Variants in MAPK3 observed in about 807,000 individuals in gnomAD.
MAPK3 encodes the protein mitogen-activated protein kinase 3, also known as MAPK 1.
A neutral mutation model predicts 41.8 loss-of-function variants in MAPK3; 30 were observed. The observed-to-expected ratio is 0.72, with a 90% CI of 0.54 to 0.97. MAPK3 has a LOEUF of 0.97. Ranked by LOEUF, MAPK3 falls within the 50% of genes least tolerant of loss-of-function variation. The probability of loss-of-function intolerance (pLI) is 0.00; values close to 1 mark genes in which losing one functional copy is unlikely to be tolerated. For synonymous variants in MAPK3, 222 were observed against 213.4 expected (o/e 1.04, Z -0.35); for missense variants, 413 against 509.9 (o/e 0.81, Z 1.83).
chr16:30,118,628 C>T (rs373475532), intron 2 of MAPK3, 90 bp from the exon 3 acceptor site: 54 of 1,052,102 alleles, frequency 5.1e-5, no homozygotes, highest in South Asian at 2.4e-4. Context: ...GGCTGCACAC[C>T]TCCTCCAGCC....
intron 1 of MAPK3, 131 bp from the exon 2 acceptor site, chr16:30,122,137 G>T: frequency 1.2e-6 from 1 of 841,658 alleles, no homozygotes; most frequent in Non-Finnish European, 1.9e-6. Context: ...AAACAATGCT[G>T]GTTCCTTCCT....
At chr16:30,121,643 C>T (rs2073016079) in intron 2 of MAPK3, among the ~76,000 whole-genome samples, 181 bp downstream of exon 2, 1 of 152,208 alleles carries the variant, frequency 6.6e-6, no homozygotes. Context: ...CGCTGCAGGC[C>T]TGGGTTCATC....
Position 30,123,182 on chromosome 16 carries a change from C to T in MAPK3, c.28G>A (p.Gly10Arg). The change falls in exon 1 of 9, where the codon GGG becomes AGG. Residue 10 changes from glycine (G) to arginine (R), a missense_variant. Gly to Arg is a moderately radical substitution (Grantham distance 125). This residue lies in a region of MAPK3 where 145 missense variants were observed against 133.0 expected (regional missense o/e 1.09). Transcript: ENST00000263025. MAAAAAQGG[G>R]GGEPRRTEGV... ...TCGGTTCTACGGGGCTCCCCGCCCC[C>T]GCCCCCCTGAGCCGCCGCCGCCGCC... 7.5e-7 allele frequency: 1 copy of T among 1,339,336 alleles called. No homozygotes were observed. Among genetic ancestry groups the T allele is most frequent in the Non-Finnish European group, 9.9e-7 (1 of 1,006,146 alleles). 83.0% of individuals were successfully genotyped at this position (1,339,336 alleles called of 1,614,324 possible). A position where few individuals can be genotyped will look rare whatever the true frequency, so the allele number is the denominator to read the frequency against.
intron 8 of MAPK3, 37 bp downstream of exon 8, chr16:30,116,599 A>G (rs2072955878): frequency 6.3e-7 from 1 of 1,588,212 alleles, no homozygotes; most frequent in Non-Finnish European, 8.6e-7. Context: ...GATATTTAGT[A>G]TCAGGGTGTC....
chr16:30,117,920 C>G (rs1052314341), intron 4 of MAPK3, 127 bp downstream of exon 4: 50 of 1,088,334 alleles, frequency 4.6e-5, no homozygotes, highest in Non-Finnish European at 6.5e-5. Context: ...TGCTCAGCTT[C>G]CTTGCAGAGC....
At chr16:30,118,910 G>A (rs2072987903) in intron 2 of MAPK3, among the ~76,000 whole-genome samples, 1 of 152,068 alleles carries the variant, frequency 6.6e-6, no homozygotes, top group African/African-American at 2.4e-5. Flanking sequence ...AGGCTGAGGC[G>A]GGAGGACTGC....
rs753015837 is a variant in MAPK3 at position 30,121,928 on chromosome 16, C to T, written c.249G>A (p.Gln83=). ...GGATCTGGATCTCCCGGAGCGTGCG[C>T]TGGCAGTAGGTCTGATGTTCGAAGG... is the stretch of plus-strand genomic sequence containing the variant. ...ISPFEHQTYC[Q]RTLREIQILL... Residue 83 remains glutamine (Q), a synonymous_variant, in exon 2 of 9, where the codon CAG becomes CAA. Coordinates refer to ENST00000263025, the MANE Select transcript of MAPK3 (RefSeq NM_002746.3). The T allele has an allele frequency of 2.5e-5, 41 of 1,614,068 alleles. No individual in the cohort carries two copies. The South Asian group carries it at 3.5e-4, about 14-fold the overall frequency.
chr16:30,121,131 C>CAG (rs1280173761), intron 2 of MAPK3, among the ~76,000 whole-genome samples: 1 of 152,020 alleles, frequency 6.6e-6, no homozygotes, highest in African/African-American at 2.4e-5. Flanking sequence ...AGTTTTGAGA[C>CAG]AGAGTCTCGC....
At chr16:30,120,896 C>T (rs1246345858) in intron 2 of MAPK3, among the ~76,000 whole-genome samples, 1 of 151,772 alleles carries the variant, frequency 6.6e-6, no homozygotes, top group Non-Finnish European at 1.5e-5. Flanking sequence ...GCTGCCCAGG[C>T]TGGTCTTGAA....
In MAPK3 at chr16:30,116,878, C is replaced by A; in HGVS notation, c.1017+16G>T. ...TCCCCTGCCCCCAGCCCCACTGCTG[C>A]TGGGGACTGGCCCACCTCATCCGTC... On this transcript the variant is annotated intron_variant, in intron 7 of 8. Transcript: ENST00000263025. 6.2e-7 allele frequency: 1 copy of A among 1,613,680 alleles called. No homozygotes were observed. The highest frequency in any genetic ancestry group is 8.5e-7 in the Non-Finnish European group (1 of 1,179,846).
At position 30,117,773 on chromosome 16, in the gene MAPK3, C is replaced by T. The variant is rs763165244; in HGVS notation, c.672G>A (p.Lys224=). ...AGCCCACAGACCAGATGTCGATGGA[C>T]TTGGTATAGCCCTGGGGGAGAGGAG... ...EIMLNSKGYT[K]SIDIWSVGCI... Residue 224 remains lysine (K), a synonymous_variant, in exon 5 of 9, where the codon AAG becomes AAA. Transcript: ENST00000263025. The T allele has an allele frequency of 8.1e-6, 13 of 1,613,200 alleles. No homozygotes were observed. The highest frequency in any genetic ancestry group is 1.7e-5 in the Admixed American group (1 of 59,984).
Position 30,123,051 on chromosome 16 carries a change from G to A in MAPK3, c.159C>T (p.Tyr53=), listed in dbSNP as rs1374312265. Residue 53 remains tyrosine, a synonymous_variant, in exon 1 of 9, where the codon TAC becomes TAT. Coordinates refer to ENST00000263025, the MANE Select transcript of MAPK3 (RefSeq NM_002746.3). ...GAACGCCCCCTCACCTGACCATGCC[G>A]TACGCGCCCTCGCCGATGTACTGCA... ...TQLQYIGEGA[Y]GMVSSAYDHV... 2 of 1,420,454 alleles carry A rather than the reference G, an allele frequency of 1.4e-6. No homozygotes were observed. The highest frequency in any genetic ancestry group is 1.7e-5 in the African/African-American group (1 of 58,182). The allele number at this position is 1,420,454 out of a possible 1,614,324, so 88.0% of individuals were successfully genotyped here.
chr16:30,117,272 G>A lies in MAPK3; in HGVS notation c.789C>T (p.Ser263=). 2 of 1,613,980 alleles carry A rather than the reference G, an allele frequency of 1.2e-6. No individual in the cohort carries two copies. Among genetic ancestry groups the A allele is most frequent in the Non-Finnish European group, 1.7e-6 (2 of 1,179,944 alleles). The change falls in exon 6 of 9, where the codon TCC becomes TCT. Residue 263 remains serine, a synonymous_variant. Transcript: ENST00000263025. ...TACAATTCAGGTCCTCCTGGGATGG[G>A]GAGCCCAGGATGCCTGTGGATAAGG... ...QLNHILGILG[S]PSQEDLNCII... is the part of the protein sequence containing the mutation.
intron 2 of MAPK3, among the ~76,000 whole-genome samples, chr16:30,118,847 C>G (rs1325437627): frequency 1.3e-5 from 2 of 152,048 alleles, no homozygotes; most frequent in African/African-American, 2.4e-5. Flanking sequence ...CAGTTAAGAG[C>G]AGCAACTTGG....
chr16:30,121,116 T>C (rs1408945476), intron 2 of MAPK3, among the ~76,000 whole-genome samples: 1 of 151,926 alleles, frequency 6.6e-6, no homozygotes, highest in Non-Finnish European at 1.5e-5. Context: ...TTTTTGTTTT[T>C]GTTTAGTTTT....
rs1193795691 is a variant in MAPK3 at position 30,114,157 on chromosome 16, C to A, written c.*584G>T. 1 of 152,214 alleles carries A rather than the reference C, an allele frequency of 6.6e-6. No individual in the cohort carries two copies. Among genetic ancestry groups the A allele is most frequent in the African/African-American group, 2.4e-5 (1 of 41,418 alleles). The allele number at this position is 152,214 out of a possible 1,614,324, so 9.4% of individuals were successfully genotyped here. A position where few individuals can be genotyped will look rare whatever the true frequency, so the allele number is the denominator to read the frequency against. On this transcript the variant is annotated 3_prime_UTR_variant, in exon 9 of 9. Coordinates refer to ENST00000263025, the MANE Select transcript of MAPK3 (RefSeq NM_002746.3). The stretch of plus-strand genomic sequence containing the variant: ...TATATTAGACGGGTCAGGGAGGTGG[C>A]AGGGGCGCCGGGCTCTCCACGCCCC...
In MAPK3 at chr16:30,116,335, G is replaced by A. The variant is rs369731981; in HGVS notation, c.*32+301C>T. ...ATTACCAGAGTGACCCACTGTGCCCGGCTAATTTTTGTATTTTTAGTATAG... is the reference window on the plus strand; with the variant it reads ...ATTACCAGAGTGACCCACTGTGCCCAGCTAATTTTTGTATTTTTAGTATAG... On this transcript the variant is annotated intron_variant, in intron 8 of 8. Coordinates refer to ENST00000263025, the MANE Select transcript of MAPK3 (RefSeq NM_002746.3). 3.3e-5 allele frequency among the ~76,000 whole-genome samples: 5 copies of A among 151,692 alleles called. No homozygotes were observed. The South Asian group carries it at 6.2e-4, about 19-fold the overall frequency.
intron 4 of MAPK3, 107 bp downstream of exon 4, chr16:30,117,940 A>G: frequency 8.5e-7 from 1 of 1,169,978 alleles, no homozygotes; most frequent in South Asian, 1.3e-5. Context: ...CCCAAGGCCC[A>G]GAGGGTAGAA....
At chr16:30,117,360 C>G in intron 5 of MAPK3, 75 bp from the exon 6 acceptor site, 2 of 1,476,508 alleles carry the variant, frequency 1.4e-6, no homozygotes, top group South Asian at 2.4e-5. Context: ...AAGGCAAGAA[C>G]AAGACCCCCC....
Sources: allele counts gnomAD v4.1 joint callset (sites outside exome capture counted in the v4.1 genomes callset), GRCh38; gene constraint gnomAD v4.1.1; regional missense constraint gnomAD v4.1.1; transcripts MANE v1.5; gene names NCBI Gene and HGNC (gene_info 2026-07-23, HGNC 2026-07-21).